The following IQGAP1 variants were observed in gnomAD, a reference collection of about 807,000 sequenced individuals.
The protein encoded by IQGAP1 is IQ motif containing GTPase activating protein 1.
IQGAP1 carries 66 observed loss-of-function variants against 215.6 expected under a neutral mutation model. That is an observed-to-expected ratio of 0.31 (90% CI 0.25 to 0.38). The LOEUF is 0.38. Ranked by LOEUF, IQGAP1 falls within the 10% of genes least tolerant of loss-of-function variation. The pLI, the probability that IQGAP1 is intolerant of heterozygous loss-of-function variation, is 1.00. For synonymous variants in IQGAP1, 772 were observed against 728.7 expected (o/e 1.06, Z -0.96); for missense variants, 1,712 against 1,997.1 (o/e 0.86, Z 2.72).
At chr15:90,473,092 CTGAG>C (rs1965928345) in intron 19 of IQGAP1, 82 bp downstream of exon 19, 1 of 1,339,440 alleles carries the variant, frequency 7.5e-7, no homozygotes, top group African/African-American at 1.4e-5. Context: ...CATTGACTGT[CTGAG>C]TGTGTTTTTT....
intron 26 of IQGAP1, 59 bp from the exon 27 acceptor site, chr15:90,481,901 C>T: frequency 6.3e-7 from 1 of 1,577,714 alleles, no homozygotes; most frequent in Non-Finnish European, 8.7e-7. Flanking sequence ...AAGACACTTG[C>T]TTCAGGCTGT....
intron 11 of IQGAP1, 133 bp from the exon 12 acceptor site, chr15:90,452,642 A>G (rs1965620024): frequency 2.1e-6 from 2 of 972,280 alleles, no homozygotes; most frequent in Non-Finnish European, 3.0e-6. Flanking sequence ...TGCTTTTTTA[A>G]AGACGAAAGT....
intron 2 of IQGAP1, among the ~76,000 whole-genome samples, chr15:90,395,569 C>T (rs141650769): frequency 0.023 from 3,521 of 152,312 alleles, 90 homozygotes; most frequent in East Asian, 0.11. Context: ...ATCCGCCCGC[C>T]TTGGCCTCCC....
intron 1 of IQGAP1, among the ~76,000 whole-genome samples, chr15:90,388,605 C>T (rs1338731798): frequency 6.6e-6 from 1 of 152,094 alleles, no homozygotes; most frequent in African/African-American, 2.4e-5. Context: ...GAGAGGACCC[C>T]CGAGGCCTCC....
rs1309878099 is a variant in IQGAP1 at position 90,422,658 on chromosome 15, A to ATG, written c.156-3450_156-3449dup. 4.5e-3 allele frequency among the ~76,000 whole-genome samples: 304 copies of ATG among 68,068 alleles called. 7 individuals are homozygous for ATG. The highest frequency in any genetic ancestry group is 0.022 in the African/African-American group (291 of 13,188). 44.7% of individuals were successfully genotyped at this position (68,068 alleles called of 152,430 possible). A position where few individuals can be genotyped will look rare whatever the true frequency, so the allele number is the denominator to read the frequency against. ...TATATATGTATATGTATATATATAT[A>ATG]TGTATATATATATATATATATAATT... is the stretch of plus-strand genomic sequence containing the variant. On this transcript the variant is annotated intron_variant, in intron 2 of 37. Transcript: ENST00000268182.
chr15:90,419,763 T>A (rs1462948013), intron 2 of IQGAP1, among the ~76,000 whole-genome samples: 1 of 152,160 alleles, frequency 6.6e-6, no homozygotes, highest in Non-Finnish European at 1.5e-5. Flanking sequence ...TGAAAAAGCA[T>A]AATAAAATAA....
chr15:90,494,667 G>C (rs28431932), intron 35 of IQGAP1, 46 bp from the exon 36 acceptor site: 1 of 1,543,700 alleles, frequency 6.5e-7, no homozygotes, highest in Non-Finnish European at 8.8e-7. Context: ...TGAAGATTCA[G>C]AGTAGATGGT....
chr15:90,398,895 A>T (rs1351713233), intron 2 of IQGAP1, among the ~76,000 whole-genome samples: 1 of 150,068 alleles, frequency 6.7e-6, no homozygotes, highest in East Asian at 2.0e-4. Context: ...AATCCCAGCT[A>T]CTCTGGAAGC....
intron 34 of IQGAP1, 58 bp from the exon 35 acceptor site, chr15:90,492,487 G>A: frequency 1.5e-6 from 2 of 1,306,048 alleles, no homozygotes; most frequent in Non-Finnish European, 2.1e-6. Flanking sequence ...CTGGGTTGTA[G>A]TGTGAAATGA....
At chr15:90,391,511 G>A (rs1393690642) in intron 2 of IQGAP1, 1 of 152,286 alleles carries the variant, frequency 6.6e-6, no homozygotes, top group Admixed American at 6.5e-5. Flanking sequence ...TGGCTTTAAT[G>A]TTTCACTTAT....
chr15:90,425,459 G>A (rs1377722360), intron 2 of IQGAP1, among the ~76,000 whole-genome samples: 2 of 152,122 alleles, frequency 1.3e-5, no homozygotes, highest in African/African-American at 2.4e-5. Context: ...ATTTGAAGGG[G>A]AAAATACAGT....
chr15:90,460,005 C>T (rs1965739165), intron 15 of IQGAP1, among the ~76,000 whole-genome samples: 1 of 151,292 alleles, frequency 6.6e-6, no homozygotes, highest in Non-Finnish European at 1.5e-5. Context: ...CCACGTGGTC[C>T]GGAGTTTTTT....
At chr15:90,426,009 G>A in intron 2 of IQGAP1, 101 bp from the exon 3 acceptor site, 4 of 1,155,354 alleles carry the variant, frequency 3.5e-6, no homozygotes, top group Non-Finnish European at 3.6e-6. Context: ...ATTATGTTCA[G>A]TTTAAGCTTC....
intron 32 of IQGAP1, among the ~76,000 whole-genome samples, 182 bp downstream of exon 32, chr15:90,487,271 A>G (rs970351724): frequency 1.3e-5 from 2 of 152,166 alleles, no homozygotes; most frequent in South Asian, 2.1e-4. Context: ...TTATTTTGCT[A>G]ATATGCTACA....
chr15:90,474,059 C>G lies in IQGAP1; in HGVS notation c.2506-5C>G. On this transcript the variant is annotated splice_region_variant and splice_polypyrimidine_tract_variant and intron_variant, in intron 21 of 37. Transcript: ENST00000268182. ...CAGAGAAATTTCTTCTTTTTTGTTC[C>G]TTAGATAAATGACATTATCAAAATC... 6.2e-7 allele frequency: 1 copy of G among 1,612,654 alleles called. No homozygotes were observed. Among genetic ancestry groups the G allele is most frequent in the East Asian group, 2.2e-5 (1 of 44,832 alleles).
At chr15:90,419,761 CATA>C (rs2151011131) in intron 2 of IQGAP1, among the ~76,000 whole-genome samples, 1 of 152,200 alleles carries the variant, frequency 6.6e-6, no homozygotes, top group South Asian at 2.1e-4. Context: ...ATTGAAAAAG[CATA>C]ATAAAATAAT....
chr15:90,393,199 T>G (rs1346638012), intron 2 of IQGAP1, among the ~76,000 whole-genome samples: 1 of 151,786 alleles, frequency 6.6e-6, no homozygotes, highest in Non-Finnish European at 1.5e-5. Flanking sequence ...AGTAGTCCCT[T>G]GGTATCTGTG....
At chr15:90,443,550 C>A in intron 9 of IQGAP1, 72 bp downstream of exon 9, 1 of 851,266 alleles carries the variant, frequency 1.2e-6, no homozygotes, top group Non-Finnish European at 1.9e-6. Context: ...TATTCTGGGA[C>A]TTACAACATA....
intron 14 of IQGAP1, among the ~76,000 whole-genome samples, 166 bp from the exon 15 acceptor site, chr15:90,455,986 A>G (rs1965674107): frequency 6.6e-6 from 1 of 152,244 alleles, no homozygotes; most frequent in African/African-American, 2.4e-5. Context: ...GTTGAAATAA[A>G]TACTAATTAA....
Sources: gnomAD v4.1 joint callset for allele counts (sites outside exome capture counted in the v4.1 genomes callset) on GRCh38, gnomAD v4.1.1 for gene constraint, MANE v1.5 for transcripts, NCBI Gene and HGNC (gene_info 2026-07-23, HGNC 2026-07-21) for gene names.